Variants in PCDHA5 observed in about 807,000 individuals in gnomAD.
The protein encoded by PCDHA5 is protocadherin alpha 5, also known as protocadherin alpha-5.
Under a neutral mutation model 61.6 loss-of-function variants are expected in PCDHA5, and 43 were observed. That is an observed-to-expected ratio of 0.70 (90% confidence interval 0.55 to 0.90). PCDHA5 has a LOEUF of 0.90. Ranked by LOEUF, PCDHA5 falls within the 40% of genes least tolerant of loss-of-function variation. PCDHA5 has a pLI of 0.00. For synonymous variants in PCDHA5, 627 were observed against 543.9 expected (o/e 1.15, Z -2.13); for missense variants, 1,298 against 1,222.7 (o/e 1.06, Z -0.92).
rs2150445879 is a variant in PCDHA5 at position 140,849,707 on chromosome 5, C to G, written c.2352+25580C>G. Reference sequence around the variant, plus strand: ...AGCTGGTGTCCACCTACAAGAATTACTACTCGTTGGTGCTGGACAGAGCTC... The same window carrying G: ...AGCTGGTGTCCACCTACAAGAATTAGTACTCGTTGGTGCTGGACAGAGCTC... On this transcript the variant is annotated intron_variant, in intron 1 of 3. Coordinates refer to ENST00000529859, the MANE Select transcript of PCDHA5 (RefSeq NM_018908.3). The G allele has an allele frequency of 3.1e-6, 5 of 1,598,540 alleles. No homozygotes were observed. The South Asian group carries it at 3.3e-5, about 11-fold the overall frequency.
At chr5:140,971,292 T>C (rs1194622162) in intron 1 of PCDHA5, among the ~76,000 whole-genome samples, 1 of 152,210 alleles carries the variant, frequency 6.6e-6, no homozygotes, top group Non-Finnish European at 1.5e-5. Flanking sequence ...TAATATGTAC[T>C]TTGGTACACA....
intron 1 of PCDHA5, chr5:140,882,291 G>A: frequency 6.2e-7 from 1 of 1,613,650 alleles, no homozygotes; most frequent in Non-Finnish European, 8.5e-7. Flanking sequence ...TGGCAAGGAG[G>A]CCCAAGACCG....
intron 1 of PCDHA5, among the ~76,000 whole-genome samples, chr5:140,893,580 G>C (rs555518122): frequency 1.5e-4 from 23 of 152,268 alleles, no homozygotes; most frequent in East Asian, 1.2e-3. Flanking sequence ...GTTTTTGCTT[G>C]TTTGGGAAAT....
chr5:140,965,193 A>G (rs1232668450), intron 1 of PCDHA5, among the ~76,000 whole-genome samples: 1 of 152,252 alleles, frequency 6.6e-6, no homozygotes, highest in East Asian at 1.9e-4. Flanking sequence ...CACATGAGGC[A>G]ATAGATTTCA....
rs200664126 is a variant in PCDHA5 at position 140,843,124 on chromosome 5, G to A, written c.2352+18997G>A. 390 of 1,595,868 alleles carry A rather than the reference G, an allele frequency of 2.4e-4. 33 individuals are homozygous for A. Among genetic ancestry groups the A allele is most frequent in the Non-Finnish European group, 2.8e-4 (332 of 1,165,564 alleles). ...AGGTGCGCGCAGTGGACGCCGACTCGGGCTACAACGCGTGGCTTTCGTATG... is the reference window on the plus strand; with the variant it reads ...AGGTGCGCGCAGTGGACGCCGACTCAGGCTACAACGCGTGGCTTTCGTATG... On this transcript the variant is annotated intron_variant, in intron 1 of 3. Coordinates refer to ENST00000529859, the MANE Select transcript of PCDHA5 (RefSeq NM_018908.3).
chr5:140,833,755 C>CAT (rs1554133952), intron 1 of PCDHA5, among the ~76,000 whole-genome samples: 1 of 151,932 alleles, frequency 6.6e-6, no homozygotes, highest in East Asian at 1.9e-4. Context: ...AAAGAAAACA[C>CAT]ACACACACAC....
intron 2 of PCDHA5, among the ~76,000 whole-genome samples, chr5:140,981,687 A>ATCATTCAT (rs200213847): frequency 0.01 from 1,586 of 152,088 alleles, 32 homozygotes; most frequent in African/African-American, 0.036. Flanking sequence ...CCTCCCTTCC[A>ATCATTCAT]TCATTCATTC....
chr5:140,823,950 G>A lies in PCDHA5; in HGVS notation c.2175G>A (p.Gln725=). The A allele has an allele frequency of 6.2e-7, 1 of 1,614,000 alleles. No homozygotes were observed. Among genetic ancestry groups the A allele is most frequent in the South Asian group, 1.1e-5 (1 of 91,066 alleles). The change falls in exon 1 of 4, where the codon CAG becomes CAA. Residue 725 remains glutamine (Q), a synonymous_variant. Transcript: ENST00000529859. The part of the protein sequence containing the change: ...LLYTALRCSA[Q]PTEAVCTRGK... Reference sequence around the variant, plus strand: ...ACACCGCGCTGCGGTGCTCGGCGCAGCCCACCGAGGCCGTGTGCACACGGG... The same window carrying A: ...ACACCGCGCTGCGGTGCTCGGCGCAACCCACCGAGGCCGTGTGCACACGGG...
intron 3 of PCDHA5, among the ~76,000 whole-genome samples, chr5:140,986,421 C>T (rs1554248030): frequency 6.6e-6 from 1 of 152,178 alleles, no homozygotes; most frequent in Non-Finnish European, 1.5e-5. Flanking sequence ...CTCTTTTTAA[C>T]TTCATGAGTA....
At chr5:141,007,991 A>G (rs1276879326) in intron 3 of PCDHA5, among the ~76,000 whole-genome samples, 1 of 152,234 alleles carries the variant, frequency 6.6e-6, no homozygotes, top group Non-Finnish European at 1.5e-5. Context: ...TATGAAATGT[A>G]CATGTTAATA....
intron 1 of PCDHA5, among the ~76,000 whole-genome samples, chr5:140,961,483 G>A (rs1365864551): frequency 6.6e-6 from 1 of 152,090 alleles, no homozygotes; most frequent in Non-Finnish European, 1.5e-5. Context: ...TCTTGTCCAC[G>A]TGAGTATATT....
intron 3 of PCDHA5, among the ~76,000 whole-genome samples, chr5:141,005,828 T>A (rs752447584): frequency 6.7e-6 from 1 of 149,690 alleles, no homozygotes; most frequent in African/African-American, 2.5e-5. Context: ...TGGCCTGTAG[T>A]CCCAGCCACT....
intron 1 of PCDHA5, among the ~76,000 whole-genome samples, chr5:140,978,370 A>T (rs78042832): frequency 6.6e-6 from 1 of 152,200 alleles, no homozygotes; most frequent in Non-Finnish European, 1.5e-5. Context: ...AAACTCTGCA[A>T]TAGTTTGTTT....
At chr5:140,931,405 G>C (rs1395168165) in intron 1 of PCDHA5, among the ~76,000 whole-genome samples, 1 of 151,984 alleles carries the variant, frequency 6.6e-6, no homozygotes, top group South Asian at 2.1e-4. Flanking sequence ...CGATAGGAAG[G>C]CTGATGAATC....
chr5:140,912,163 G>T (rs1018826504), intron 1 of PCDHA5, among the ~76,000 whole-genome samples: 4 of 152,092 alleles, frequency 2.6e-5, no homozygotes, highest in African/African-American at 9.7e-5. Context: ...TTTTATTCTG[G>T]CTGTGCTGGC....
At chr5:140,855,644 T>C (rs1324111294) in intron 1 of PCDHA5, among the ~76,000 whole-genome samples, 7 of 149,848 alleles carry the variant, frequency 4.7e-5, no homozygotes, top group African/African-American at 1.7e-4. Flanking sequence ...TTGATAATCA[T>C]GTGGTTAGGG....
At chr5:140,829,723 T>C in intron 1 of PCDHA5, 2 of 1,613,596 alleles carry the variant, frequency 1.2e-6, no homozygotes, top group Non-Finnish European at 1.7e-6. Flanking sequence ...GCGTGCCGCC[T>C]CTGGGCAGCA....
intron 1 of PCDHA5, chr5:140,848,358 G>A: frequency 9.5e-7 from 1 of 1,051,266 alleles, no homozygotes; most frequent in East Asian, 2.4e-5. Flanking sequence ...CTTTTCCCAT[G>A]GGAAAGAGGC....
intron 1 of PCDHA5, among the ~76,000 whole-genome samples, chr5:140,881,731 T>C (rs1457530470): frequency 6.6e-6 from 1 of 152,224 alleles, no homozygotes; most frequent in Non-Finnish European, 1.5e-5. Flanking sequence ...TGAAAAATAT[T>C]ACAGGAAGAG....
Sources: gnomAD v4.1 joint callset for allele counts (sites outside exome capture counted in the v4.1 genomes callset) on GRCh38, gnomAD v4.1.1 for gene constraint, MANE v1.5 for transcripts, NCBI Gene and HGNC (gene_info 2026-07-23, HGNC 2026-07-21) for gene names.